The following LLGL2 variants were observed in gnomAD, a reference collection of about 807,000 sequenced individuals.
LLGL2 encodes LLGL2, scribble cell polarity complex component.
In LLGL2, 81 loss-of-function variants were observed where a neutral mutation model predicts 123.2. That is an observed-to-expected ratio of 0.66 (90% CI 0.55 to 0.79). The LOEUF (loss-of-function observed/expected upper bound fraction) is 0.79, where lower values mean the gene tolerates loss of function less well. LLGL2 is among the 30% of genes least tolerant of loss of function. The pLI is 0.00. For missense variants in LLGL2, 1,273 were observed against 1,414.6 expected (o/e 0.90, Z 1.61); for synonymous variants, 577 against 594.1 (o/e 0.97, Z 0.42).
At chr17:75,525,399 G>T (rs1362484549), upstream of LLGL2, among the ~76,000 whole-genome samples, 2 of 152,092 alleles carry the variant, frequency 1.3e-5, no homozygotes, top group African/African-American at 4.8e-5. This position sits in a 1 kb window ranked among gnomAD's most constrained non-coding sequence, Gnocchi z 4.8. Context: ...GCCCGGGACC[G>T]CAGGCGTTCC....
At chr17:75,532,077 C>CACACACACT (rs58220046) in intron 1 of LLGL2, among the ~76,000 whole-genome samples, 8 of 83,996 alleles carry the variant, frequency 9.5e-5, no homozygotes, top group African/African-American at 2.3e-4. Flanking sequence ...CACACACACA[C>CACACACACT]TTTTTTTTTT....
chr17:75,556,077 G>A lies in LLGL2; in HGVS notation c.107G>A (p.Ser36Asn). 1 of 1,609,616 alleles carries A rather than the reference G, an allele frequency of 6.2e-7. No individual in the cohort carries two copies. The stretch of plus-strand genomic sequence containing the variant: ...GAGCATGGCTTCCCGCACCAGCCCA[G>A]CGCCCTCGGCTACAGCCCGTCCCTG... ...TVEHGFPHQP[S>N]ALGYSPSLRI... The change falls in exon 3 of 26, where the codon AGC (serine) becomes AAC (asparagine). Residue 36 changes from serine (S) to asparagine (N), a missense_variant. Physicochemically the swap from Ser to Asn is conservative, Grantham distance 46. Transcript: ENST00000392550.
chr17:75,565,344 C>G (rs891418544), intron 10 of LLGL2, among the ~76,000 whole-genome samples: 1 of 152,234 alleles, frequency 6.6e-6, no homozygotes, highest in African/African-American at 2.4e-5. Context: ...TGATGCTGGC[C>G]TGAAAGGGCC....
Position 75,563,759 on chromosome 17 carries a change from T to C in LLGL2, c.834T>C (p.Phe278=). The C allele has an allele frequency of 6.2e-7, 1 of 1,614,090 alleles. No homozygotes were observed. The highest frequency in any genetic ancestry group is 8.5e-7 in the Non-Finnish European group (1 of 1,180,022). The change falls in exon 9 of 26, where the codon TTT becomes TTC. Residue 278 remains phenylalanine (F), a synonymous_variant. Coordinates refer to ENST00000392550, the MANE Select transcript of LLGL2 (RefSeq NM_001031803.2). Reference sequence around the variant, plus strand: ...CGATTCCTTTCCTTTCAGGTCCCTTTCCTTGCAAAGCGATTACCAGAATCC... The same window carrying C: ...CGATTCCTTTCCTTTCAGGTCCCTTCCCTTGCAAAGCGATTACCAGAATCC... The part of the protein sequence containing the change: ...PLRSLVPYGP[F]PCKAITRILW...
chr17:75,568,238 C>T, intron 10 of LLGL2: 1 of 1,413,276 alleles, frequency 7.1e-7, no homozygotes, highest in Non-Finnish European at 9.2e-7. Flanking sequence ...TGCCTTCCAG[C>T]CAGGTGTATC....
intron 3 of LLGL2, among the ~76,000 whole-genome samples, chr17:75,557,167 C>T (rs953808483): frequency 8.6e-5 from 13 of 150,948 alleles, no homozygotes; most frequent in African/African-American, 2.9e-4. Context: ...GCATGAGTCA[C>T]TGCACTCCCA....
intron 1 of LLGL2, among the ~76,000 whole-genome samples, chr17:75,528,641 A>C (rs887094474): frequency 2.7e-5 from 4 of 150,818 alleles, no homozygotes; most frequent in African/African-American, 9.7e-5. Context: ...AGGAGGCTGA[A>C]GCAGGAGAAT....
chr17:75,563,904 A>G (rs1423294379), intron 9 of LLGL2, 98 bp downstream of exon 9: 1 of 1,199,596 alleles, frequency 8.3e-7, no homozygotes, highest in Non-Finnish European at 1.2e-6. Flanking sequence ...GCCAGTGAAC[A>G]CTCTCAGGTC....
chr17:75,531,671 G>C (rs2053792501), intron 1 of LLGL2, among the ~76,000 whole-genome samples: 1 of 152,196 alleles, frequency 6.6e-6, no homozygotes, highest in African/African-American at 2.4e-5. Flanking sequence ...GCGTCCCCCA[G>C]CGGGGCCACC....
intron 6 of LLGL2, among the ~76,000 whole-genome samples, chr17:75,561,364 A>T (rs1241299454): frequency 6.6e-6 from 1 of 152,210 alleles, no homozygotes; most frequent in Non-Finnish European, 1.5e-5. Flanking sequence ...ATCTAGATGG[A>T]CACAGTTGCT....
Position 75,573,075 on chromosome 17 carries a change from CAA to C in LLGL2, c.2523_2524del (p.Arg842SerfsTer77), listed in dbSNP as rs1225086340. Reference sequence around the variant, plus strand: ...TTGAAGCTGACGGCCCTGGAGGGCTCAAGAGTGCGGCGGGTCAGCGTGGCCCA... The same window carrying C: ...TTGAAGCTGACGGCCCTGGAGGGCTCGAGTGCGGCGGGTCAGCGTGGCCCA... On this transcript the variant is annotated frameshift_variant, in exon 20 of 26. Transcript: ENST00000392550. LOFTEE classifies it high-confidence loss of function. 48 of 1,613,066 alleles carry C rather than the reference CAA, an allele frequency of 3.0e-5. No individual in the cohort carries two copies. The highest frequency in any genetic ancestry group is 4.0e-5 in the Non-Finnish European group (47 of 1,179,988).
At chr17:75,560,802 T>TAAAAA (rs372940306) in intron 6 of LLGL2, among the ~76,000 whole-genome samples, 35 of 96,090 alleles carry the variant, frequency 3.6e-4, no homozygotes, top group Non-Finnish European at 5.5e-4. Context: ...GTTTATTTAT[T>TAAAAA]AAAAAAAAAA....
intron 2 of LLGL2, among the ~76,000 whole-genome samples, chr17:75,550,735 C>T (rs2054627943): frequency 1.4e-5 from 2 of 140,684 alleles, no homozygotes; most frequent in South Asian, 2.2e-4. Context: ...GAGCTGAGAT[C>T]GTACCACTGC....
intron 2 of LLGL2, among the ~76,000 whole-genome samples, chr17:75,551,314 C>T (rs2054661449): frequency 6.6e-6 from 1 of 152,184 alleles, no homozygotes; most frequent in Admixed American, 6.6e-5. Context: ...AAGGACAGCT[C>T]TGCCCAGTGC....
intron 1 of LLGL2, chr17:75,543,192 C>T: frequency 2.8e-6 from 1 of 354,832 alleles, no homozygotes; most frequent in South Asian, 9.0e-5. Context: ...CAGGTGGTGA[C>T]AGCCTTCAGC....
chr17:75,551,800 T>C (rs1283167535), intron 2 of LLGL2, among the ~76,000 whole-genome samples: 1 of 152,200 alleles, frequency 6.6e-6, no homozygotes, highest in African/African-American at 2.4e-5. Flanking sequence ...AGAAGCTGCA[T>C]TGTATAATTA....
At chr17:75,536,469 C>T (rs1384632521) in intron 1 of LLGL2, among the ~76,000 whole-genome samples, 1 of 152,190 alleles carries the variant, frequency 6.6e-6, no homozygotes, top group Non-Finnish European at 1.5e-5. Flanking sequence ...GCCTGTCTCC[C>T]CGCCTTTCCG....
chr17:75,532,051 T>TACAC (rs1470150170), intron 1 of LLGL2, among the ~76,000 whole-genome samples: 1 of 36,776 alleles, frequency 2.7e-5, no homozygotes, highest in African/African-American at 6.8e-5. Flanking sequence ...TATATATGTA[T>TACAC]ATATACACAC....
At position 75,559,422 on chromosome 17, in the gene LLGL2, G is replaced by T. The variant is rs1315730230; in HGVS notation, c.530+12G>T. Reference sequence around the variant, plus strand: ...GCGGTGCTGCAGCGGTGAGCCCAGAGCCCAGCTGCTGTTAACTCCATCCCC... The same window carrying T: ...GCGGTGCTGCAGCGGTGAGCCCAGATCCCAGCTGCTGTTAACTCCATCCCC... On this transcript the variant is annotated intron_variant, in intron 6 of 25. Transcript: ENST00000392550. This position sits in a 1 kb window ranked among gnomAD's most constrained non-coding sequence, Gnocchi z 4.6. 6.3e-7 allele frequency: 1 copy of T among 1,592,652 alleles called. No homozygotes were observed.
Sources: gnomAD v4.1 joint callset for allele counts (sites outside exome capture counted in the v4.1 genomes callset) on GRCh38, gnomAD v4.1.1 for gene constraint, Gnocchi (gnomAD v3.1) non-coding constraint, MANE v1.5 for transcripts, NCBI Gene and HGNC (gene_info 2026-07-23, HGNC 2026-07-21) for gene names.